The following PINK1 variants were observed in gnomAD, a reference collection of about 807,000 sequenced individuals.
PINK1 encodes PTEN induced kinase 1.
PINK1 carries 58 observed loss-of-function variants against 56.0 expected under a neutral mutation model. That is an observed-to-expected ratio of 1.04 (90% confidence interval 0.84 to 1.29). The LOEUF (loss-of-function observed/expected upper bound fraction) is 1.29, where lower values mean the gene tolerates loss of function less well. Ranked by LOEUF, PINK1 falls within the 50% of genes most tolerant of loss-of-function variation. The pLI is 0.00. For missense variants in PINK1, 745 were observed against 777.9 expected (o/e 0.96, Z 0.50); for synonymous variants, 354 against 339.3 (o/e 1.04, Z -0.48).
intron 1 of PINK1, among the ~76,000 whole-genome samples, chr1:20,636,499 AC>A: frequency 6.6e-6 from 1 of 151,610 alleles, no homozygotes; most frequent in East Asian, 1.9e-4. Context: ...ACACCACCAC[AC>A]CCGGCTAATT....
At chr1:20,638,617 G>A (rs542034561) in intron 2 of PINK1, 75 of 232,636 alleles carry the variant, frequency 3.2e-4, no homozygotes, top group African/African-American at 1.9e-3. Flanking sequence ...ACTCCAGCCT[G>A]GGTAACAGAG....
At position 20,649,193 on chromosome 1, in the gene PINK1, CAGTT is replaced by C. The variant is rs760671205; in HGVS notation, c.1451_1454del (p.Gln484ArgfsTer2). On this transcript the variant is annotated frameshift_variant, in exon 7 of 8. Transcript: ENST00000321556. LOFTEE classifies it high-confidence loss of function. ...CGAGTCAGTGCCTCCAGACGTGAGA[CAGTT>C]GGTGAGGGCACTGCTCCAGCGAGAG... 2.5e-6 allele frequency: 4 copies of C among 1,614,052 alleles called. No individual in the cohort carries two copies. In the African/African-American group the frequency reaches 5.3e-5, roughly 22 times the overall value.
At chr1:20,645,444 G>A (rs141923445) in intron 4 of PINK1, 116 bp from the exon 5 acceptor site, 17,753 of 1,206,380 alleles carry the variant, frequency 0.015, 190 homozygotes, top group Non-Finnish European at 0.017. Flanking sequence ...AGCCAAGATC[G>A]TGCTACTGCA....
At chr1:20,645,487 CAAAAAAAA>C (rs11379920) in intron 4 of PINK1, 65 bp from the exon 5 acceptor site, 3 of 1,120,868 alleles carry the variant, frequency 2.7e-6, no homozygotes, top group Non-Finnish European at 3.7e-6. Flanking sequence ...GACTCCATCT[CAAAAAAAA>C]AAAAAAAAAC....
chr1:20,650,718 C>A lies in PINK1; in HGVS notation c.*27C>A. 6.2e-7 allele frequency: 1 copy of A among 1,609,666 alleles called. No homozygotes were observed. Among genetic ancestry groups the A allele is most frequent in the Non-Finnish European group, 8.5e-7 (1 of 1,179,386 alleles). ...GTCCCTGCATGGAGCTGGTGAATTA[C>A]TAAAAGAACATGGCATCCTCTGTGT... On this transcript the variant is annotated 3_prime_UTR_variant, in exon 8 of 8. Transcript: ENST00000321556.
intron 7 of PINK1, chr1:20,650,177 C>T (rs192376701): frequency 1.8e-6 from 1 of 554,692 alleles, no homozygotes; most frequent in African/African-American, 1.9e-5. Flanking sequence ...ACAAGAGGCA[C>T]TAGGCTTTCC....
chr1:20,649,120 C>T lies in PINK1; in HGVS notation c.1377C>T (p.Ala459=). Residue 459 remains alanine (A), a synonymous_variant, in exon 7 of 8, where the codon GCC becomes GCT. Coordinates refer to ENST00000321556, the MANE Select transcript of PINK1 (RefSeq NM_032409.3). ...ATCCCTTCTACGGCCAGGGCAAGGCCCACCTTGAAAGCCGCAGCTACCAAG... is the reference window on the plus strand; with the variant it reads ...ATCCCTTCTACGGCCAGGGCAAGGCTCACCTTGAAAGCCGCAGCTACCAAG... ...LVNPFYGQGK[A]HLESRSYQEA... is the part of the protein sequence containing the mutation. The T allele has an allele frequency of 6.2e-7, 1 of 1,614,228 alleles. No homozygotes were observed.
intron 2 of PINK1, 70 bp from the exon 3 acceptor site, chr1:20,639,822 G>T: frequency 7.1e-7 from 1 of 1,414,236 alleles, no homozygotes. Flanking sequence ...CAGGTTACAG[G>T]CAGGGCTTAC....
intron 7 of PINK1, chr1:20,650,135 C>T: frequency 2.1e-6 from 1 of 469,470 alleles, no homozygotes; most frequent in Admixed American, 3.4e-5. Context: ...GAGGAGACTA[C>T]TTACCTGGTT....
rs764179131 is a variant in PINK1 at position 20,639,855 on chromosome 1, G to A, written c.676-37G>A. 40 of 1,578,890 alleles carry A rather than the reference G, an allele frequency of 2.5e-5. No homozygotes were observed. In the South Asian group the frequency reaches 3.1e-4, roughly 12 times the overall value. On this transcript the variant is annotated intron_variant, in intron 2 of 7. Transcript: ENST00000321556. ...TACAAGGAACTTACCATTCTGCTCC[G>A]GCCTGTGTAACCCTGGGTTCCTTGT...
chr1:20,650,888 G>GAA lies in PINK1; in HGVS notation c.*200_*201dup, dbSNP rs1284425523. On this transcript the variant is annotated 3_prime_UTR_variant, in exon 8 of 8. Transcript: ENST00000321556. ...TGCAGTCCTCTGCTCACAGACATCT[G>GAA]AAAAGTGAATGGCCAAGCTGGTCTA... 5.7e-6 allele frequency: 4 copies of GAA among 699,174 alleles called. No individual in the cohort carries two copies. The African/African-American group carries it at 7.1e-5, about 12-fold the overall frequency. The allele number at this position is 699,174 out of a possible 1,614,324, so 43.3% of individuals were successfully genotyped here.
At chr1:20,650,336 T>C (rs184278531) in intron 7 of PINK1, 98 bp from the exon 8 acceptor site, 3 of 1,498,134 alleles carry the variant, frequency 2.0e-6, no homozygotes, top group Non-Finnish European at 2.7e-6. Context: ...AAGAATTGGG[T>C]TGGGACCAGA....
intron 3 of PINK1, chr1:20,643,172 C>A (rs1176852171): frequency 6.6e-6 from 1 of 152,344 alleles, no homozygotes; most frequent in Non-Finnish European, 1.5e-5. Context: ...TCCCTCCCTT[C>A]CCTTCGTCCA....
chr1:20,638,253 G>A, intron 2 of PINK1, 124 bp downstream of exon 2: 3 of 1,155,588 alleles, frequency 2.6e-6, no homozygotes, highest in South Asian at 1.4e-5. Context: ...AAAGGTGCCT[G>A]TATAGTCAGG....
rs1299442096 is a variant in PINK1, at chr1:20,645,734, G to A, written c.1123+11G>A. The A allele has an allele frequency of 6.2e-7, 1 of 1,614,124 alleles. No homozygotes were observed. ...TGGAGCTGGACCCAGGTAGGAACCTGCTGCACCATCAGAGCTCTCCAGGGG... is the reference window on the plus strand; with the variant it reads ...TGGAGCTGGACCCAGGTAGGAACCTACTGCACCATCAGAGCTCTCCAGGGG... On this transcript the variant is annotated intron_variant, in intron 5 of 7. Transcript: ENST00000321556.
chr1:20,640,061 C>T (rs1325364041), intron 3 of PINK1, 69 bp downstream of exon 3: 1 of 1,266,264 alleles, frequency 7.9e-7, no homozygotes, highest in Non-Finnish European at 1.1e-6. Context: ...CACTTATGTC[C>T]TCAGCACCTG....
chr1:20,648,746 A>T, intron 6 of PINK1, 114 bp downstream of exon 6: 1 of 1,528,698 alleles, frequency 6.5e-7, no homozygotes, highest in Non-Finnish European at 8.8e-7. Flanking sequence ...CTGACCCATA[A>T]TTTGGCACAA....
rs113841130 is a variant in PINK1, at chr1:20,646,875, C to CTTAT, written c.1123+1171_1123+1174dup. Among the ~76,000 whole-genome samples, 819 of 140,152 alleles carry CTTAT rather than the reference C, an allele frequency of 5.8e-3. 5 individuals are homozygous for CTTAT. The highest frequency in any genetic ancestry group is 8.6e-3 in the Non-Finnish European group (550 of 64,036). 91.9% of individuals were successfully genotyped at this position (140,152 alleles called of 152,430 possible). A position where few individuals can be genotyped will look rare whatever the true frequency, so the allele number is the denominator to read the frequency against. ...CTTTTATTATTTCTTTATTTATTTA[C>CTTAT]TTATTTATTTATTTATTTATTTGAG... On this transcript the variant is annotated intron_variant, in intron 5 of 7. Coordinates refer to ENST00000321556, the MANE Select transcript of PINK1 (RefSeq NM_032409.3).
chr1:20,649,940 C>CA, intron 7 of PINK1: 1 of 229,146 alleles, frequency 4.4e-6, no homozygotes, highest in Admixed American at 5.1e-5. Flanking sequence ...AATGCAAAGG[C>CA]AGACCTATCC....
Sources: allele counts gnomAD v4.1 joint callset (sites outside exome capture counted in the v4.1 genomes callset), GRCh38; gene constraint gnomAD v4.1.1; transcripts MANE v1.5; gene names NCBI Gene and HGNC (gene_info 2026-07-23, HGNC 2026-07-21).